GPM6A: variants seen among roughly 807,000 people sequenced by gnomAD.
GPM6A encodes the protein neuronal membrane glycoprotein M6-a.
A neutral mutation model predicts 32.1 loss-of-function variants in GPM6A; 7 were observed. The ratio of observed to expected loss-of-function variants is 0.22; its 90% confidence interval spans 0.12 to 0.41. The LOEUF is 0.41. Ranked by LOEUF, GPM6A falls within the 10% of genes least tolerant of loss-of-function variation. GPM6A has a pLI of 1.00. For synonymous variants in GPM6A, 130 were observed against 123.4 expected, an observed-to-expected ratio of 1.05 and a Z score of -0.35; for missense variants, 235 against 347.2, an observed-to-expected ratio of 0.68 and a Z score of 2.57.
In GPM6A at chr4:175,776,666, G is replaced by A. The variant is rs975413007; in HGVS notation, c.37+35525C>T. ...ACTTAAATAATATTTAGTTTCATAC[G>A]TTTTTCCTAGCGACGTTTTAATGTC... On this transcript the variant is annotated intron_variant, in intron 1 of 6. Transcript: ENST00000393658. Among the ~76,000 whole-genome samples, 20 of 152,190 alleles carry A rather than the reference G, an allele frequency of 1.3e-4. 1 individual carries two copies. Among genetic ancestry groups the A allele is most frequent in the Non-Finnish European group, 2.5e-4 (17 of 67,996 alleles).
At chr4:176,000,435 T>C (rs1427024594) in intron 1 of GPM6A, among the ~76,000 whole-genome samples, 1 of 152,206 alleles carries the variant, frequency 6.6e-6, no homozygotes, top group East Asian at 1.9e-4. Flanking sequence ...TAATTATCCA[T>C]GGGCATTGAA....
chr4:175,708,480 G>A (rs1474868160), intron 1 of GPM6A, among the ~76,000 whole-genome samples: 2 of 151,824 alleles, frequency 1.3e-5, no homozygotes, highest in Non-Finnish European at 2.9e-5. Context: ...CCGCCTCCTG[G>A]GTTCAAGCGA....
At chr4:175,820,781 G>T (rs1385116495) in intron 1 of GPM6A, among the ~76,000 whole-genome samples, 2 of 152,158 alleles carry the variant, frequency 1.3e-5, no homozygotes, top group Non-Finnish European at 2.9e-5. Flanking sequence ...TTACAGGCAT[G>T]AGCCACCACA....
At chr4:175,813,014 G>T (rs1734989434), upstream of GPM6A, 1 of 984,102 alleles carries the variant, frequency 1.0e-6, no homozygotes, top group Non-Finnish European at 1.2e-6. Flanking sequence ...TGAGTATAAA[G>T]CTCTAAGCCT....
intron 1 of GPM6A, among the ~76,000 whole-genome samples, chr4:175,918,201 T>C (rs1738556183): frequency 6.6e-6 from 1 of 152,090 alleles, no homozygotes; most frequent in Admixed American, 6.6e-5. Context: ...TCAGACACTC[T>C]TGATGATAAC....
chr4:175,813,301 T>G (rs984210455), upstream of GPM6A, among the ~76,000 whole-genome samples: 1 of 152,174 alleles, frequency 6.6e-6, no homozygotes, highest in African/African-American at 2.4e-5. Context: ...GCAAGCTGAT[T>G]TGGAATGCAA....
intron 1 of GPM6A, among the ~76,000 whole-genome samples, chr4:175,852,394 A>C (rs1736286802): frequency 6.6e-6 from 1 of 151,942 alleles, no homozygotes; most frequent in Admixed American, 6.6e-5. Context: ...AGACCAAATA[A>C]AGATTGGCTT....
At chr4:175,726,771 G>A (rs1391884566) in intron 1 of GPM6A, among the ~76,000 whole-genome samples, 1 of 152,188 alleles carries the variant, frequency 6.6e-6, no homozygotes, top group Admixed American at 6.5e-5. Flanking sequence ...CGAGGCAGGA[G>A]GATCACTAGT....
intron 1 of GPM6A, among the ~76,000 whole-genome samples, chr4:175,996,333 C>G (rs1265115355): frequency 6.6e-6 from 1 of 152,068 alleles, no homozygotes; most frequent in Non-Finnish European, 1.5e-5. Context: ...TGGTGAAACC[C>G]CTAGTGACAC....
chr4:175,645,575 G>C (rs1286053985), intron 4 of GPM6A, among the ~76,000 whole-genome samples: 1 of 152,104 alleles, frequency 6.6e-6, no homozygotes, highest in Non-Finnish European at 1.5e-5. Flanking sequence ...ACAAAAATTA[G>C]CCAGGCATGG....
intron 1 of GPM6A, among the ~76,000 whole-genome samples, chr4:175,746,290 C>A (rs1732101124): frequency 6.6e-6 from 1 of 152,048 alleles, no homozygotes; most frequent in African/African-American, 2.4e-5. Flanking sequence ...TGTAGAATCA[C>A]TTTCTGCAGC....
intron 1 of GPM6A, among the ~76,000 whole-genome samples, chr4:175,821,488 A>AG (rs1232087256): frequency 6.6e-6 from 1 of 152,058 alleles, no homozygotes; most frequent in Non-Finnish European, 1.5e-5. Context: ...AAATATAATG[A>AG]GGGGGAGGTG....
chr4:175,812,199 G>T lies in GPM6A; in HGVS notation c.29C>A (p.Thr10Lys), dbSNP rs1461781242. The change falls in exon 1 of 7, where the codon ACA becomes AAA. Residue 10 changes from threonine (T) to lysine (K), a missense_variant. Transcript: ENST00000393658. MEENMEEGQ[T>K]QKGCFECCIK... ...CGCTTTTAGCACAGTACCTTTTTGT[G>T]TCTGTCCCTCTTCCATATTCTCTTC... 1 of 1,536,790 alleles carries T rather than the reference G, an allele frequency of 6.5e-7. No homozygotes were observed. The highest frequency in any genetic ancestry group is 8.8e-7 in the Non-Finnish European group (1 of 1,134,476).
chr4:175,673,987 A>G (rs1418397555), intron 2 of GPM6A, 151 bp from the exon 3 acceptor site: 3 of 552,158 alleles, frequency 5.4e-6, no homozygotes, highest in Admixed American at 6.3e-5. Flanking sequence ...TGTTTGCTTC[A>G]TATATCTAAT....
At chr4:175,771,479 G>C (rs553411898) in intron 1 of GPM6A, among the ~76,000 whole-genome samples, 2 of 149,124 alleles carry the variant, frequency 1.3e-5, no homozygotes, top group African/African-American at 4.9e-5. Context: ...GCTGAGGCGG[G>C]AGAATCACTT....
At chr4:175,744,625 A>C (rs1332498040) in intron 1 of GPM6A, among the ~76,000 whole-genome samples, 1 of 152,064 alleles carries the variant, frequency 6.6e-6, no homozygotes, top group Non-Finnish European at 1.5e-5. Context: ...GGAGTTTGGG[A>C]AGAAAAAATA....
chr4:175,960,308 A>G (rs1341518408), intron 1 of GPM6A, among the ~76,000 whole-genome samples: 1 of 152,244 alleles, frequency 6.6e-6, no homozygotes, highest in Non-Finnish European at 1.5e-5. Flanking sequence ...TTTTGTGGTG[A>G]GTCAGATATT....
chr4:175,663,716 T>C (rs928635123), intron 3 of GPM6A, among the ~76,000 whole-genome samples: 4 of 147,426 alleles, frequency 2.7e-5, no homozygotes, highest in Non-Finnish European at 5.9e-5. Flanking sequence ...TTTTTTGAGA[T>C]GGAGTCTCGC....
intron 1 of GPM6A, among the ~76,000 whole-genome samples, chr4:175,877,983 A>G (rs1737139527): frequency 1.3e-5 from 2 of 152,194 alleles, no homozygotes; most frequent in African/African-American, 4.8e-5. Flanking sequence ...TTGGCCAAAA[A>G]AGGGGGCTAC....
Sources: gnomAD v4.1 joint callset for allele counts (sites outside exome capture counted in the v4.1 genomes callset) on GRCh38, gnomAD v4.1.1 for gene constraint, MANE v1.5 for transcripts, NCBI Gene and HGNC (gene_info 2026-07-23, HGNC 2026-07-21) for gene names.